Variants in PDS5A observed in about 807,000 individuals in gnomAD.
The protein encoded by PDS5A is sister chromatid cohesion protein PDS5 homolog A.
Under a neutral mutation model 167.1 loss-of-function variants are expected in PDS5A, and 42 were observed. The observed-to-expected ratio is 0.25, with a 90% CI of 0.20 to 0.33. The LOEUF (loss-of-function observed/expected upper bound fraction) is 0.33, where lower values mean the gene tolerates loss of function less well. PDS5A is among the 10% of genes least tolerant of loss of function. The pLI is 1.00. For missense variants in PDS5A, 1,033 were observed against 1,605.9 expected (o/e 0.64, Z 6.10); for synonymous variants, 553 against 554.6 (o/e 1.00, Z 0.04).
chr4:39,973,769 T>C (rs953545532), intron 2 of PDS5A: 25 of 1,292,792 alleles, frequency 1.9e-5, no homozygotes, highest in Admixed American at 3.4e-5. Flanking sequence ...AACCATGTAA[T>C]CAACCCCTAC....
At chr4:39,962,308 G>A (rs1374643659) in intron 2 of PDS5A, among the ~76,000 whole-genome samples, 1 of 151,840 alleles carries the variant, frequency 6.6e-6, no homozygotes, top group South Asian at 2.1e-4. Flanking sequence ...CGCCCGCCTT[G>A]GCCTCCCAAA....
chr4:39,963,647 C>G lies in PDS5A; in HGVS notation c.138+12793G>C, dbSNP rs534170961. Among the ~76,000 whole-genome samples, 7 of 152,150 alleles carry G rather than the reference C, an allele frequency of 4.6e-5. No individual in the cohort carries two copies. In the East Asian group the frequency reaches 1.4e-3, roughly 29 times the overall value. On this transcript the variant is annotated intron_variant, in intron 2 of 32. Transcript: ENST00000303538. ...GAATGCTTGAGCCCAGACTGGGAAA[C>G]ATGGCAAAACCCTGTCTCTTCAAAA... is the stretch of plus-strand genomic sequence containing the variant.
intron 2 of PDS5A, among the ~76,000 whole-genome samples, chr4:39,934,494 A>G (rs1012975447): frequency 3.3e-5 from 5 of 151,926 alleles, no homozygotes; most frequent in Non-Finnish European, 5.9e-5. Flanking sequence ...CATCTAATTT[A>G]TCATACACTT....
intron 19 of PDS5A, among the ~76,000 whole-genome samples, chr4:39,875,118 T>C (rs552089258): frequency 2.6e-5 from 4 of 152,310 alleles, no homozygotes; most frequent in South Asian, 2.1e-4. Flanking sequence ...AAAATCCACA[T>C]ACTTAACCTC....
rs1361845231 is a variant in PDS5A, at chr4:39,853,699, C to A, written c.3087-4047G>T. 5.3e-5 allele frequency among the ~76,000 whole-genome samples: 8 copies of A among 152,284 alleles called. No individual in the cohort carries two copies. The South Asian group carries it at 1.2e-3, about 24-fold the overall frequency. The stretch of plus-strand genomic sequence containing the variant: ...CAATTTATTACCATCGTTTCTTTTA[C>A]CTACAACCACACTTTTTCCCCTGGC... On this transcript the variant is annotated intron_variant, in intron 26 of 32. Transcript: ENST00000303538.
chr4:39,878,015 G>A (rs17511256), intron 18 of PDS5A, among the ~76,000 whole-genome samples: 10,830 of 152,182 alleles, frequency 0.071, 484 homozygotes, highest in Non-Finnish European at 0.1. Flanking sequence ...ACCAGCACGA[G>A]CCTGTCCTTA....
chr4:39,904,273 T>C (rs980405159), intron 11 of PDS5A, 82 bp from the exon 12 acceptor site: 3 of 880,092 alleles, frequency 3.4e-6, no homozygotes, highest in African/African-American at 1.7e-5. Flanking sequence ...CTTCATTAGG[T>C]TGTACAGTCT....
chr4:39,914,711 A>G (rs1287228502), intron 8 of PDS5A, among the ~76,000 whole-genome samples: 1 of 152,238 alleles, frequency 6.6e-6, no homozygotes, highest in Non-Finnish European at 1.5e-5. Flanking sequence ...ATGTAAAATA[A>G]GTTATTCTAA....
At chr4:39,867,408 A>T (rs1027092124) in intron 22 of PDS5A, among the ~76,000 whole-genome samples, 1 of 152,020 alleles carries the variant, frequency 6.6e-6, no homozygotes, top group Non-Finnish European at 1.5e-5. Flanking sequence ...TTTAAACTAT[A>T]CAGGCCGGGG....
chr4:39,937,355 A>C (rs1560499865), intron 2 of PDS5A, among the ~76,000 whole-genome samples: 2 of 151,050 alleles, frequency 1.3e-5, no homozygotes, highest in Non-Finnish European at 3.0e-5. Flanking sequence ...TATAATTTAA[A>C]TATGTCCAAA....
At chr4:39,963,716 C>A (rs1729711465) in intron 2 of PDS5A, among the ~76,000 whole-genome samples, 2 of 151,944 alleles carry the variant, frequency 1.3e-5, no homozygotes, top group East Asian at 3.9e-4. Flanking sequence ...CTTGTGGTCT[C>A]AGCTACTGGG....
chr4:39,826,145 C>T (rs1237383939), intron 32 of PDS5A, among the ~76,000 whole-genome samples: 12 of 150,700 alleles, frequency 8.0e-5, no homozygotes, highest in Admixed American at 7.3e-4. Context: ...TAAACATAAA[C>T]GTTTTAGCAT....
At chr4:39,832,146 A>C (rs949211909) in intron 32 of PDS5A, among the ~76,000 whole-genome samples, 6 of 151,864 alleles carry the variant, frequency 4.0e-5, no homozygotes, top group Non-Finnish European at 8.8e-5. Context: ...AAACCCAAAA[A>C]CAAGAATATA....
At chr4:39,845,295 G>A (rs1311298214) in intron 29 of PDS5A, among the ~76,000 whole-genome samples, 1 of 151,864 alleles carries the variant, frequency 6.6e-6, no homozygotes, top group African/African-American at 2.4e-5. Context: ...ATAATAACTA[G>A]GTAATATTAA....
chr4:39,957,032 C>A (rs1211252293), intron 2 of PDS5A, among the ~76,000 whole-genome samples: 1 of 152,142 alleles, frequency 6.6e-6, no homozygotes, highest in African/African-American at 2.4e-5. Flanking sequence ...TCTACACTGA[C>A]TCAATCTTCA....
In PDS5A at chr4:39,831,875, C is replaced by CAA. The variant is rs58913167; in HGVS notation, c.4010+5979_4010+5980dup. On this transcript the variant is annotated intron_variant, in intron 32 of 32. Transcript: ENST00000303538. The stretch of plus-strand genomic sequence containing the variant: ...TAGGCAACAAGAGCGAAACTCGTCT[C>CAA]AAAAAAAAAAAAAAAAAAAAAAAAA... Among the ~76,000 whole-genome samples, 126 of 25,932 alleles carry CAA rather than the reference C, an allele frequency of 4.9e-3. 21 individuals carry two copies. Among genetic ancestry groups the CAA allele is most frequent in the African/African-American group, 0.014 (90 of 6,658 alleles). The allele number at this position is 25,932 out of a possible 152,430, so 17.0% of individuals were successfully genotyped here. A position where few individuals can be genotyped will look rare whatever the true frequency, so the allele number is the denominator to read the frequency against.
intron 2 of PDS5A, among the ~76,000 whole-genome samples, chr4:39,937,796 T>C (rs1206457004): frequency 6.6e-6 from 1 of 152,232 alleles, no homozygotes; most frequent in East Asian, 1.9e-4. Flanking sequence ...ACTTTGCTGC[T>C]TTCAGTTAAG....
chr4:39,930,236 A>AAC (rs1725897029), intron 2 of PDS5A, among the ~76,000 whole-genome samples: 1 of 129,254 alleles, frequency 7.7e-6, no homozygotes, highest in Admixed American at 7.7e-5. Flanking sequence ...AAAAAAAAAA[A>AAC]AAAAAAAAAA....
Position 39,891,105 on chromosome 4 carries a change from C to T in PDS5A, c.1771-741G>A, listed in dbSNP as rs1246686487. 2.0e-5 allele frequency among the ~76,000 whole-genome samples: 3 copies of T among 151,824 alleles called. No homozygotes were observed. The East Asian group carries it at 5.9e-4, about 30-fold the overall frequency. ...CTGGAATGCAATGGTGCAATCTTGG[C>T]TCACTGCAACCTCCGCTTCCCAGGT... On this transcript the variant is annotated intron_variant, in intron 16 of 32. Coordinates refer to ENST00000303538, the MANE Select transcript of PDS5A (RefSeq NM_001100399.2).
Sources: gnomAD v4.1 joint callset for allele counts (sites outside exome capture counted in the v4.1 genomes callset) on GRCh38, gnomAD v4.1.1 for gene constraint, MANE v1.5 for transcripts, NCBI Gene and HGNC (gene_info 2026-07-23, HGNC 2026-07-21) for gene names.